POLK: variants seen among roughly 807,000 people sequenced by gnomAD.
POLK encodes the protein DNA polymerase kappa.
In POLK, 76 loss-of-function variants were observed where a neutral mutation model predicts 94.0. The ratio of observed to expected loss-of-function variants is 0.81; its 90% CI spans 0.67 to 0.98. The LOEUF (loss-of-function observed/expected upper bound fraction) is 0.98, where lower values mean the gene tolerates loss of function less well. Ranked by LOEUF, POLK falls within the 50% of genes least tolerant of loss-of-function variation. The probability of loss-of-function intolerance (pLI) is 0.00; values close to 1 mark genes in which losing one functional copy is unlikely to be tolerated. For missense variants in POLK, 954 were observed against 1,010.1 expected, an observed-to-expected ratio of 0.94 and a Z score of 0.75; for synonymous variants, 349 against 325.4, an observed-to-expected ratio of 1.07 and a Z score of -0.78.
At chr5:75,605,720 AC>A (rs1773406738), downstream of POLK, among the ~76,000 whole-genome samples, 1 of 152,180 alleles carries the variant, frequency 6.6e-6, no homozygotes, top group Non-Finnish European at 1.5e-5. Context: ...AAGAAATAAT[AC>A]CTAAGATAGG....
intron 3 of POLK, among the ~76,000 whole-genome samples, chr5:75,565,220 T>A (rs1005320377): frequency 3.3e-5 from 5 of 152,208 alleles, no homozygotes; most frequent in Non-Finnish European, 7.3e-5. Flanking sequence ...GCTGTGTTTT[T>A]CAGCTCCATC....
chr5:75,540,668 A>C (rs1343604032), intron 1 of POLK, among the ~76,000 whole-genome samples: 8 of 152,210 alleles, frequency 5.3e-5, no homozygotes, highest in African/African-American at 1.9e-4. Flanking sequence ...AAAAGGTACT[A>C]CAGGAGAAAT....
intron 3 of POLK, among the ~76,000 whole-genome samples, chr5:75,553,642 T>C (rs1014256992): frequency 2.6e-5 from 4 of 152,332 alleles, no homozygotes; most frequent in African/African-American, 9.6e-5. Flanking sequence ...GTTTTTTATT[T>C]CATACGCAAC....
At chr5:75,553,544 A>C (rs1012902079) in intron 3 of POLK, among the ~76,000 whole-genome samples, 2 of 152,146 alleles carry the variant, frequency 1.3e-5, no homozygotes, top group African/African-American at 4.8e-5. Context: ...AAGATGATTT[A>C]TTTGTCATAT....
intron 1 of POLK, among the ~76,000 whole-genome samples, chr5:75,542,686 CATATATGTAT>C (rs1769807592): frequency 1.4e-5 from 2 of 146,682 alleles, no homozygotes; most frequent in African/African-American, 2.5e-5. Context: ...CATATATATA[CATATATGTAT>C]ATATATGTAT....
At chr5:75,529,108 T>A (rs1348066875) in intron 1 of POLK, among the ~76,000 whole-genome samples, 1 of 152,158 alleles carries the variant, frequency 6.6e-6, no homozygotes, top group Non-Finnish European at 1.5e-5. Flanking sequence ...ACTGGGTAAT[T>A]TATAAAGAAA....
rs149935906 is a variant in POLK at position 75,562,872 on chromosome 5, G to A, written c.256-6468G>A. Among the ~76,000 whole-genome samples, 444 of 152,266 alleles carry A rather than the reference G, an allele frequency of 2.9e-3. 3 individuals carry two copies. Among genetic ancestry groups the A allele is most frequent in the Admixed American group, 9.4e-3 (143 of 15,288 alleles). On this transcript the variant is annotated intron_variant, in intron 3 of 14. Coordinates refer to ENST00000241436, the Ensembl canonical transcript of POLK. ...CCAGGGATGAAGCTGACTTGATTGC[G>A]TTGGATAAGCTTTTTAATGTACTGC...
chr5:75,556,134 T>C lies in POLK; in HGVS notation c.255+3543T>C, dbSNP rs1054752042. 3.3e-5 allele frequency among the ~76,000 whole-genome samples: 5 copies of C among 152,250 alleles called. No homozygotes were observed. The South Asian group carries it at 6.2e-4, about 19-fold the overall frequency. On this transcript the variant is annotated intron_variant, in intron 3 of 14. Coordinates refer to ENST00000241436, the Ensembl canonical transcript of POLK. ...TACCATTTTGTCTTCCCACCAACAA[T>C]GAATGAGGATTCCTGTTGCTAAATA...
chr5:75,514,789 C>T (rs1044402968), intron 1 of POLK, among the ~76,000 whole-genome samples: 1 of 151,794 alleles, frequency 6.6e-6, no homozygotes, highest in African/African-American at 2.4e-5. Context: ...AGCTTGACCC[C>T]AGAGGTTTGA....
chr5:75,547,013 A>G (rs757751414), exon 2 of POLK: 2 of 1,460,360 alleles, frequency 1.4e-6, no homozygotes, highest in Admixed American at 4.1e-5. Context: ...TTTTCAGATA[A>G]GTTTATACCA....
chr5:75,559,523 G>T (rs200016736), intron 3 of POLK, among the ~76,000 whole-genome samples: 5,798 of 54,266 alleles, frequency 0.11, 240 homozygotes, highest in South Asian at 0.24. Flanking sequence ...GTTTTGTTTT[G>T]TTTTTTTTTT....
At chr5:75,567,155 T>A (rs1265682471) in intron 3 of POLK, among the ~76,000 whole-genome samples, 1 of 152,178 alleles carries the variant, frequency 6.6e-6, no homozygotes. Flanking sequence ...TATTATAGCA[T>A]TAATATATGA....
intron 4 of POLK, among the ~76,000 whole-genome samples, chr5:75,569,762 G>A (rs5744632): frequency 0.095 from 14,514 of 152,202 alleles, 916 homozygotes; most frequent in Non-Finnish European, 0.14. Context: ...ACGAAGCTTC[G>A]TCTGTATTTA....
At chr5:75,582,769 G>T (rs947564652) in intron 7 of POLK, 1 of 152,470 alleles carries the variant, frequency 6.6e-6, no homozygotes, top group Non-Finnish European at 1.5e-5. Flanking sequence ...CCAATATGGT[G>T]AAACCCCCAT....
intron 1 of POLK, among the ~76,000 whole-genome samples, chr5:75,539,638 T>A (rs1220690277): frequency 4.0e-5 from 6 of 151,754 alleles, no homozygotes; most frequent in Admixed American, 2.6e-4. Flanking sequence ...ATTTTTTTTT[T>A]ATAGAGACAG....
intron 6 of POLK, among the ~76,000 whole-genome samples, chr5:75,580,936 C>T (rs1360838608): frequency 1.3e-5 from 2 of 148,650 alleles, no homozygotes; most frequent in East Asian, 2.0e-4. Flanking sequence ...AATTTAGGTA[C>T]GAACATTAGT....
intron 2 of POLK, among the ~76,000 whole-genome samples, chr5:75,551,076 T>G (rs1474673515): frequency 6.6e-6 from 1 of 150,580 alleles, no homozygotes; most frequent in Admixed American, 6.6e-5. Flanking sequence ...AACAAAACCC[T>G]TACGCCGTAC....
chr5:75,570,975 A>G (rs1771556427), intron 4 of POLK, among the ~76,000 whole-genome samples: 1 of 152,162 alleles, frequency 6.6e-6, no homozygotes, highest in Non-Finnish European at 1.5e-5. Context: ...ATATTTCAAA[A>G]AATATATTTA....
chr5:75,572,729 C>G (rs1265694101), intron 4 of POLK, among the ~76,000 whole-genome samples: 3 of 152,068 alleles, frequency 2.0e-5, no homozygotes, highest in African/African-American at 7.2e-5. Context: ...GTCATGGTAT[C>G]AAAATACCGT....
Sources: gnomAD v4.1 joint callset for allele counts (sites outside exome capture counted in the v4.1 genomes callset) on GRCh38, gnomAD v4.1.1 for gene constraint, MANE v1.5 for transcripts, NCBI Gene and HGNC (gene_info 2026-07-23, HGNC 2026-07-21) for gene names.